USPL1: variants seen among roughly 807,000 people sequenced by gnomAD.
The protein encoded by USPL1 is ubiquitin specific peptidase like 1.
In USPL1, 27 loss-of-function variants were observed where a neutral mutation model predicts 51.5. The observed-to-expected ratio is 0.52, with a 90% confidence interval of 0.39 to 0.72. The LOEUF is 0.72. Ranked by LOEUF, USPL1 falls within the 30% of genes least tolerant of loss-of-function variation. The pLI is 0.00. For synonymous variants in USPL1, 451 were observed against 459.6 expected, an observed-to-expected ratio of 0.98 and a Z score of 0.24; for missense variants, 1,226 against 1,268.0, an observed-to-expected ratio of 0.97 and a Z score of 0.50.
intron 3 of USPL1, among the ~76,000 whole-genome samples, chr13:30,623,269 A>G (rs1474216431): frequency 5.3e-5 from 8 of 152,254 alleles, no homozygotes; most frequent in African/African-American, 1.7e-4. Context: ...TGCTACTGCA[A>G]TGAAAGCAGC....
At chr13:30,635,533 T>C (rs912392) in intron 4 of USPL1, among the ~76,000 whole-genome samples, 77,585 of 152,078 alleles carry the variant, frequency 0.51, 22,838 homozygotes, top group African/African-American at 0.81. Context: ...TAAATTATTA[T>C]GGCTACCTTG....
intron 2 of USPL1, 81 bp from the exon 3 acceptor site, chr13:30,621,683 G>A: frequency 3.6e-6 from 4 of 1,125,118 alleles, no homozygotes; most frequent in Non-Finnish European, 4.7e-6. Flanking sequence ...AATTTTTTCT[G>A]GTTACCTTTC....
chr13:30,627,840 C>T (rs1003707143), intron 3 of USPL1, among the ~76,000 whole-genome samples: 1 of 151,820 alleles, frequency 6.6e-6, no homozygotes, highest in African/African-American at 2.4e-5. Context: ...TTCCCATTTT[C>T]CTCTCCCCCA....
intron 8 of USPL1, among the ~76,000 whole-genome samples, chr13:30,656,830 C>A (rs138253676): frequency 7.9e-4 from 119 of 151,464 alleles, no homozygotes; most frequent in African/African-American, 1.9e-3. Context: ...CCAACATTTG[C>A]TATTTTCTAT....
At chr13:30,628,043 ATTT>A (rs202119827) in intron 3 of USPL1, among the ~76,000 whole-genome samples, 1 of 127,028 alleles carries the variant, frequency 7.9e-6, no homozygotes, top group African/African-American at 2.9e-5. Flanking sequence ...TGCCTGGCTA[ATTT>A]TTTTTTTTTT....
At chr13:30,657,220 T>C (rs114637923) in intron 8 of USPL1, among the ~76,000 whole-genome samples, 24 of 152,326 alleles carry the variant, frequency 1.6e-4, no homozygotes, top group African/African-American at 5.5e-4. Flanking sequence ...TGAAAACATA[T>C]ATGTATGAAA....
chr13:30,628,052 T>TG (rs1373871156), intron 3 of USPL1, among the ~76,000 whole-genome samples: 1 of 51,250 alleles, frequency 2.0e-5, no homozygotes, highest in African/African-American at 9.3e-5. Flanking sequence ...AATTTTTTTT[T>TG]TTTTTTTTTT....
At chr13:30,640,776 T>A (rs1950937102) in intron 5 of USPL1, among the ~76,000 whole-genome samples, 1 of 152,222 alleles carries the variant, frequency 6.6e-6, no homozygotes. Flanking sequence ...TAAAATAGCC[T>A]TTGTAACTAC....
intron 8 of USPL1, 123 bp downstream of exon 8, chr13:30,653,428 A>G (rs1951117866): frequency 9.9e-7 from 1 of 1,006,714 alleles, no homozygotes; most frequent in Non-Finnish European, 1.4e-6. Flanking sequence ...TTCTCTCTCC[A>G]TTCTCGCCTT....
chr13:30,647,021 A>G lies in USPL1; in HGVS notation c.1202A>G (p.Asn401Ser), dbSNP rs764343407. ...CATTTTGGTCCATGTAACAATTGCAACAGTAAATCACAAATAAGAAAAATG... is the reference window on the plus strand; with the variant it reads ...CATTTTGGTCCATGTAACAATTGCAGCAGTAAATCACAAATAAGAAAAATG... ...AAHFGPCNNC[N>S]SKSQIRKMVL... Residue 401 changes from asparagine (N) to serine (S), a missense_variant, in exon 7 of 9, where the codon AAC becomes AGC. Transcript: ENST00000255304. The G allele has an allele frequency of 8.7e-6, 14 of 1,612,944 alleles. No individual in the cohort carries two copies. The highest frequency in any genetic ancestry group is 1.1e-5 in the Non-Finnish European group (13 of 1,178,958).
In USPL1 at chr13:30,631,198, A is replaced by G; in HGVS notation, c.592A>G (p.Arg198Gly). 6.2e-7 allele frequency: 1 copy of G among 1,614,220 alleles called. No individual in the cohort carries two copies. The highest frequency in any genetic ancestry group is 8.5e-7 in the Non-Finnish European group (1 of 1,180,030). ...TACAGTTGATGTCTCTGGAACTGGC[A>G]GACCTTCCCCTCAAAATGAAGGATG... ...PATVDVSGTGRPSPQNEGCTS... is the reference protein window; with the variant it reads ...PATVDVSGTGGPSPQNEGCTS... Residue 198 changes from arginine to glycine, a missense_variant, in exon 4 of 9, where the codon AGA becomes GGA. Transcript: ENST00000255304.
intron 4 of USPL1, among the ~76,000 whole-genome samples, chr13:30,634,065 C>A (rs1286948371): frequency 6.6e-6 from 1 of 152,142 alleles, no homozygotes; most frequent in Non-Finnish European, 1.5e-5. Context: ...AGAACTTTGA[C>A]CTTTTTACTT....
intron 5 of USPL1, among the ~76,000 whole-genome samples, chr13:30,641,233 C>T (rs1028218742): frequency 1.3e-5 from 2 of 152,162 alleles, no homozygotes; most frequent in African/African-American, 2.4e-5. Context: ...TTTAGAAACC[C>T]CACATGATTG....
chr13:30,658,951 T>C lies in USPL1; in HGVS notation c.2874T>C (p.Pro958=). The change falls in exon 9 of 9, where the codon CCT becomes CCC. Residue 958 remains proline (P), a synonymous_variant. Coordinates refer to ENST00000255304, the MANE Select transcript of USPL1 (RefSeq NM_005800.5). ...IASESACTTV[P]GVSLYSSQTH... is the part of the protein sequence containing the mutation. ...GTGAGTCTGCATGCACCACTGTTCCTGGTGTTTCCCTGTACAGTAGTCAAA... is the reference window on the plus strand; with the variant it reads ...GTGAGTCTGCATGCACCACTGTTCCCGGTGTTTCCCTGTACAGTAGTCAAA... 2 of 1,614,234 alleles carry C rather than the reference T, an allele frequency of 1.2e-6. No individual in the cohort carries two copies. Among genetic ancestry groups the C allele is most frequent in the Non-Finnish European group, 1.7e-6 (2 of 1,180,038 alleles).
chr13:30,641,480 G>A (rs1447194214), intron 5 of USPL1, among the ~76,000 whole-genome samples: 1 of 152,248 alleles, frequency 6.6e-6, no homozygotes, highest in Non-Finnish European at 1.5e-5. Flanking sequence ...TCTGTGCAGG[G>A]TAGGGGAAGG....
chr13:30,636,399 T>A (rs1479704222), intron 4 of USPL1, among the ~76,000 whole-genome samples: 1 of 152,172 alleles, frequency 6.6e-6, no homozygotes, highest in Non-Finnish European at 1.5e-5. Flanking sequence ...TAATGCTTAT[T>A]TCATATTACA....
At chr13:30,652,079 G>A (rs1951099142) in intron 7 of USPL1, among the ~76,000 whole-genome samples, 1 of 152,216 alleles carries the variant, frequency 6.6e-6, no homozygotes, top group Non-Finnish European at 1.5e-5. Flanking sequence ...TAACCTGTCT[G>A]AAATGGTAAT....
intron 7 of USPL1, among the ~76,000 whole-genome samples, chr13:30,649,608 A>T (rs555398799): frequency 6.6e-6 from 1 of 152,318 alleles, no homozygotes; most frequent in South Asian, 2.1e-4. Flanking sequence ...GAGCACCAAG[A>T]ACTTAGAATC....
At chr13:30,648,645 C>G (rs1251268238) in intron 7 of USPL1, among the ~76,000 whole-genome samples, 1 of 152,220 alleles carries the variant, frequency 6.6e-6, no homozygotes, top group Admixed American at 6.5e-5. Context: ...TGTTTGCTTT[C>G]TGTCCTCTAA....
Sources: gnomAD v4.1 joint callset for allele counts (sites outside exome capture counted in the v4.1 genomes callset) on GRCh38, gnomAD v4.1.1 for gene constraint, MANE v1.5 for transcripts, NCBI Gene and HGNC (gene_info 2026-07-23, HGNC 2026-07-21) for gene names.